Variants in BCAS3 observed in about 807,000 individuals in gnomAD.
BCAS3 encodes the protein BCAS4/BCAS3 fusion.
In BCAS3, 53 loss-of-function variants were observed where a neutral mutation model predicts 116.1. That is an observed-to-expected ratio of 0.46 (90% confidence interval 0.37 to 0.57). The LOEUF is 0.57. BCAS3 is among the 20% of genes least tolerant of loss of function. BCAS3 has a pLI of 0.00. For synonymous variants in BCAS3, 391 were observed against 408.2 expected (o/e 0.96, Z 0.51); for missense variants, 917 against 1,165.4 (o/e 0.79, Z 3.10).
intron 22 of BCAS3, among the ~76,000 whole-genome samples, chr17:61,294,911 G>T (rs9912352): frequency 0.053 from 8,085 of 152,192 alleles, 722 homozygotes; most frequent in African/African-American, 0.18. Flanking sequence ...TGCCCCTATG[G>T]TGCCTTCAGT....
rs978581046 is a variant in BCAS3, at chr17:61,302,522, G to C, written c.2426-65805G>C. 6.6e-6 allele frequency among the ~76,000 whole-genome samples: 1 copy of C among 152,092 alleles called. No individual in the cohort carries two copies. The highest frequency in any genetic ancestry group is 6.5e-5 in the Admixed American group (1 of 15,268). ...ACTGGAAATTAAGATGTGGAGTATT[G>C]TTACACTATTTTTAGATAGTCTCCT... On this transcript the variant is annotated intron_variant, in intron 22 of 23. Transcript: ENST00000407086. The surrounding 1 kb of genome is among the most constrained non-coding windows in gnomAD (Gnocchi z 4.4).
rs1376937765 is a variant in BCAS3 at position 61,161,585 on chromosome 17, C to A, written c.2425+77021C>A. Among the ~76,000 whole-genome samples the A allele has an allele frequency of 6.6e-6, 1 of 152,152 alleles. No homozygotes were observed. Among genetic ancestry groups the A allele is most frequent in the Non-Finnish European group, 1.5e-5 (1 of 68,026 alleles). On this transcript the variant is annotated intron_variant, in intron 22 of 23. Transcript: ENST00000407086. The surrounding 1 kb of genome is among the most constrained non-coding windows in gnomAD (Gnocchi z 4.8). Reference sequence around the variant, plus strand: ...TTCTTTTATTTTGCCTCAGTATACACATTTCTGAATGAAAAGATAGACGAT... The same window carrying A: ...TTCTTTTATTTTGCCTCAGTATACAAATTTCTGAATGAAAAGATAGACGAT...
chr17:61,373,064 T>C (rs904499831), intron 23 of BCAS3, among the ~76,000 whole-genome samples: 10 of 151,578 alleles, frequency 6.6e-5, no homozygotes, highest in African/African-American at 2.4e-4. Flanking sequence ...GCCTTATGCA[T>C]GGGTCCAGAT....
At chr17:60,839,403 A>G (rs7210820) in intron 7 of BCAS3, among the ~76,000 whole-genome samples, 28,496 of 151,964 alleles carry the variant, frequency 0.19, 3,221 homozygotes, top group African/African-American at 0.32. Context: ...TTCCAACCCC[A>G]ATTGTAATAT....
rs1212029275 is a variant in BCAS3, at chr17:61,333,619, T to A, written c.2426-34708T>A. ...TTATCAAGTTCTTGAAACTTTCTTT[T>A]TTTTTCTTTTTTTTTTTTTGAGACA... On this transcript the variant is annotated intron_variant, in intron 22 of 23. Transcript: ENST00000407086. The surrounding 1 kb of genome is among the most constrained non-coding windows in gnomAD (Gnocchi z 4.8). Among the ~76,000 whole-genome samples, 1 of 141,372 alleles carries A rather than the reference T, an allele frequency of 7.1e-6. No individual in the cohort carries two copies. The highest frequency in any genetic ancestry group is 1.5e-5 in the Non-Finnish European group (1 of 67,532). The allele number at this position is 141,372 out of a possible 152,430, so 92.7% of individuals were successfully genotyped here.
chr17:60,852,956 A>G (rs1403612846), intron 7 of BCAS3, among the ~76,000 whole-genome samples: 1 of 152,220 alleles, frequency 6.6e-6, no homozygotes, highest in Non-Finnish European at 1.5e-5. Context: ...GTTTACTCGA[A>G]TGAGTTGAAA....
At chr17:60,899,608 C>T (rs993821574) in intron 10 of BCAS3, among the ~76,000 whole-genome samples, 8 of 152,074 alleles carry the variant, frequency 5.3e-5, no homozygotes, top group Admixed American at 5.2e-4. Flanking sequence ...AGCAGTTCTC[C>T]TGCCTCAGCC....
At chr17:60,725,239 T>G (rs1287919217) in intron 5 of BCAS3, among the ~76,000 whole-genome samples, 1 of 152,168 alleles carries the variant, frequency 6.6e-6, no homozygotes, top group Non-Finnish European at 1.5e-5. Context: ...TCTTATACTC[T>G]ATTTTTTCAT....
chr17:60,765,568 T>A (rs1232679678), intron 6 of BCAS3, among the ~76,000 whole-genome samples: 1 of 152,240 alleles, frequency 6.6e-6, no homozygotes, highest in Non-Finnish European at 1.5e-5. Flanking sequence ...CAGCTGTTAG[T>A]CTGATGGGCT....
Position 61,381,092 on chromosome 17 carries a change from A to G in BCAS3, c.2594-10885A>G, listed in dbSNP as rs1187285836. 6.6e-6 allele frequency among the ~76,000 whole-genome samples: 1 copy of G among 152,188 alleles called. No individual in the cohort carries two copies. On this transcript the variant is annotated intron_variant, in intron 23 of 23. Coordinates refer to ENST00000407086, the MANE Select transcript of BCAS3 (RefSeq NM_017679.5). This position sits in a 1 kb window ranked among gnomAD's most constrained non-coding sequence, Gnocchi z 6.0. The stretch of plus-strand genomic sequence containing the variant: ...TAATGTAACACAAAATTCATTACTG[A>G]TCACATTACTTTCAACTCTGAAGCC...
intron 6 of BCAS3, 127 bp from the exon 7 acceptor site, chr17:60,807,877 A>G: frequency 3.3e-6 from 2 of 610,536 alleles, no homozygotes; most frequent in East Asian, 2.8e-5. Context: ...TTTTTATTCA[A>G]TTGTATAAAT....
At chr17:61,061,097 C>T (rs2069978914) in intron 19 of BCAS3, among the ~76,000 whole-genome samples, 1 of 152,164 alleles carries the variant, frequency 6.6e-6, no homozygotes, top group East Asian at 1.9e-4. Context: ...TGGAAAACAT[C>T]ATGAATGCTT....
intron 9 of BCAS3, among the ~76,000 whole-genome samples, chr17:60,875,280 T>G (rs747470613): frequency 2.0e-4 from 30 of 152,172 alleles, no homozygotes; most frequent in Non-Finnish European, 3.4e-4. Flanking sequence ...TTTTTGTAAA[T>G]TGATAATATT....
chr17:61,283,420 G>A (rs950710866), intron 22 of BCAS3, among the ~76,000 whole-genome samples: 1 of 152,012 alleles, frequency 6.6e-6, no homozygotes, highest in East Asian at 1.9e-4. Context: ...AATTTAGAGG[G>A]GATTTGTACC....
chr17:61,305,765 G>A (rs758573707), intron 22 of BCAS3, among the ~76,000 whole-genome samples: 2 of 152,100 alleles, frequency 1.3e-5, no homozygotes, highest in African/African-American at 2.4e-5. Context: ...GTGTGGTAGC[G>A]TGCGGCTGTA....
At chr17:60,756,232 GT>G (rs1163198252) in intron 6 of BCAS3, among the ~76,000 whole-genome samples, 5 of 152,284 alleles carry the variant, frequency 3.3e-5, no homozygotes, top group South Asian at 2.1e-4. Flanking sequence ...TCATAATGGG[GT>G]TGGTGCTCCT....
intron 19 of BCAS3, among the ~76,000 whole-genome samples, chr17:61,050,368 A>G (rs78822598): frequency 2.6e-5 from 4 of 151,880 alleles, no homozygotes; most frequent in African/African-American, 7.3e-5. Context: ...AAAAAATGGC[A>G]TATTGTTTTT....
chr17:61,361,354 C>T lies in BCAS3; in HGVS notation c.2426-6973C>T, dbSNP rs1458266139. Among the ~76,000 whole-genome samples the T allele has an allele frequency of 6.6e-6, 1 of 152,144 alleles. No individual in the cohort carries two copies. The highest frequency in any genetic ancestry group is 1.5e-5 in the Non-Finnish European group (1 of 68,024). ...TATTTTGCAGTTGTGAAAATGGTCT[C>T]CTTGTCAAAATAACTGTGTTAGATT... On this transcript the variant is annotated intron_variant, in intron 22 of 23. Coordinates refer to ENST00000407086, the MANE Select transcript of BCAS3 (RefSeq NM_017679.5). This position sits in a 1 kb window ranked among gnomAD's most constrained non-coding sequence, Gnocchi z 6.5.
chr17:60,727,099 T>C, intron 5 of BCAS3: 1 of 407,118 alleles, frequency 2.5e-6, no homozygotes, highest in Non-Finnish European at 4.5e-6. Context: ...ATTTATTTTC[T>C]CTCAGGTAAT....
Sources: gnomAD v4.1 joint callset for allele counts (sites outside exome capture counted in the v4.1 genomes callset) on GRCh38, gnomAD v4.1.1 for gene constraint, Gnocchi (gnomAD v3.1) non-coding constraint, MANE v1.5 for transcripts, NCBI Gene and HGNC (gene_info 2026-07-23, HGNC 2026-07-21) for gene names.